FOXJ3: variants seen among roughly 807,000 people sequenced by gnomAD.
FOXJ3 encodes forkhead box protein J3.
A neutral mutation model predicts 76.1 loss-of-function variants in FOXJ3; 22 were observed. That is an observed-to-expected ratio of 0.29 (90% confidence interval 0.21 to 0.41). FOXJ3 has a LOEUF of 0.41. FOXJ3 is among the 10% of genes least tolerant of loss of function. The probability of loss-of-function intolerance (pLI) is 1.00; values close to 1 mark genes in which losing one functional copy is unlikely to be tolerated. For missense variants in FOXJ3, 613 were observed against 762.1 expected (o/e 0.80, Z 2.30); for synonymous variants, 269 against 261.2 (o/e 1.03, Z -0.29).
At chr1:42,184,445 T>C (rs1557616162) in intron 11 of FOXJ3, among the ~76,000 whole-genome samples, 3 of 152,158 alleles carry the variant, frequency 2.0e-5, no homozygotes, top group Non-Finnish European at 4.4e-5. Flanking sequence ...ACTTTTATTT[T>C]CATATAGAAA....
chr1:42,264,967 T>TAA, intron 4 of FOXJ3, 148 bp downstream of exon 4: 1 of 692,182 alleles, frequency 1.4e-6, no homozygotes, highest in Non-Finnish European at 2.6e-6. Flanking sequence ...TCCCACAGCT[T>TAA]AAAACTCTCT....
At chr1:42,284,663 T>G (rs1652937378) in intron 2 of FOXJ3, among the ~76,000 whole-genome samples, 1 of 152,186 alleles carries the variant, frequency 6.6e-6, no homozygotes, top group African/African-American at 2.4e-5. Context: ...CACACAAAGG[T>G]AATGTTAAGG....
At chr1:42,256,132 C>G (rs766436977) in intron 4 of FOXJ3, among the ~76,000 whole-genome samples, 12 of 152,192 alleles carry the variant, frequency 7.9e-5, no homozygotes, top group Non-Finnish European at 1.2e-4. Context: ...AATGCAACAT[C>G]TAAAATTATA....
chr1:42,205,692 C>T (rs1646847254), intron 6 of FOXJ3, 70 bp downstream of exon 6: 3 of 882,596 alleles, frequency 3.4e-6, no homozygotes, highest in Non-Finnish European at 5.6e-6. Flanking sequence ...AGGATTCTAT[C>T]ATTATTACAA....
chr1:42,186,826 A>G (rs965335996), intron 11 of FOXJ3, among the ~76,000 whole-genome samples: 1 of 152,188 alleles, frequency 6.6e-6, no homozygotes, highest in Non-Finnish European at 1.5e-5. Context: ...CCTAACATGT[A>G]CACTGGCTTT....
intron 4 of FOXJ3, among the ~76,000 whole-genome samples, chr1:42,255,286 T>G (rs1170247126): frequency 6.6e-6 from 1 of 151,944 alleles, no homozygotes; most frequent in African/African-American, 2.4e-5. Flanking sequence ...AAGTGGAGGG[T>G]AGTATAATAT....
rs1373512441 is a variant in FOXJ3, at chr1:42,181,919, G to A, written c.1751C>T (p.Ala584Val). Residue 584 changes from alanine (A) to valine (V), a missense_variant and splice_region_variant, in exon 12 of 13, where the codon GCA becomes GTA. Physicochemically the swap from Ala to Val is moderately conservative, Grantham distance 64 (BLOSUM62 0). Coordinates refer to ENST00000361346, the MANE Select transcript of FOXJ3 (RefSeq NM_014947.5). ...QALSTPGTTM[A>V]GHHRAMNQQH... The stretch of plus-strand genomic sequence containing the variant: ...CTCACTCTCTCTCTCTCTCTTACCT[G>A]CCATCGTTGTTCCTGGAGTGCTGAG... 6.3e-7 allele frequency: 1 copy of A among 1,587,494 alleles called. No individual in the cohort carries two copies. Among genetic ancestry groups the A allele is most frequent in the Non-Finnish European group, 8.6e-7 (1 of 1,157,438 alleles).
intron 5 of FOXJ3, among the ~76,000 whole-genome samples, chr1:42,215,964 C>G (rs1647055484): frequency 1.3e-5 from 2 of 151,508 alleles, no homozygotes; most frequent in South Asian, 4.2e-4. Flanking sequence ...CCAGCCTGGT[C>G]AACATAGTGA....
intron 4 of FOXJ3, among the ~76,000 whole-genome samples, chr1:42,237,023 T>C (rs1469318382): frequency 6.6e-6 from 1 of 152,112 alleles, no homozygotes; most frequent in Admixed American, 6.5e-5. Flanking sequence ...TTTCTGTTAT[T>C]AGACTTTTTA....
intron 12 of FOXJ3, among the ~76,000 whole-genome samples, chr1:42,180,387 T>C (rs919750089): frequency 6.6e-6 from 1 of 152,190 alleles, no homozygotes; most frequent in African/African-American, 2.4e-5. Context: ...GCTCTTCTTG[T>C]ACCAGTTTGG....
At chr1:42,305,771 A>T (rs1052493996) in intron 2 of FOXJ3, among the ~76,000 whole-genome samples, 1 of 152,204 alleles carries the variant, frequency 6.6e-6, no homozygotes, top group African/African-American at 2.4e-5. Context: ...AAAAAATAAA[A>T]GGAGTGACTA....
At chr1:42,281,667 G>A (rs1652723177) in intron 2 of FOXJ3, among the ~76,000 whole-genome samples, 1 of 152,200 alleles carries the variant, frequency 6.6e-6, no homozygotes, top group Admixed American at 6.5e-5. Context: ...TGTCCCCACT[G>A]TTGATACTTA....
At chr1:42,311,028 GA>G (rs200511460) in intron 2 of FOXJ3, 21 bp downstream of exon 2, 11,238 of 1,159,594 alleles carry the variant, frequency 9.7e-3, no homozygotes, top group South Asian at 0.011. Flanking sequence ...TTCTAATAAA[GA>G]AAAAAAAAAA....
chr1:42,302,245 T>C (rs1654196466), intron 2 of FOXJ3, among the ~76,000 whole-genome samples: 1 of 152,244 alleles, frequency 6.6e-6, no homozygotes, highest in Admixed American at 6.5e-5. Context: ...TTCTACTGTG[T>C]CATGCAATTA....
intron 4 of FOXJ3, among the ~76,000 whole-genome samples, chr1:42,260,154 G>A (rs1031059602): frequency 6.6e-6 from 1 of 151,898 alleles, no homozygotes; most frequent in African/African-American, 2.4e-5. Flanking sequence ...CTTCTTTAAG[G>A]TAATACCTAC....
chr1:42,326,017 T>C (rs147248430), intron 1 of FOXJ3, among the ~76,000 whole-genome samples: 1,733 of 152,266 alleles, frequency 0.011, 38 homozygotes, highest in African/African-American at 0.04. Context: ...TCCCAGCACT[T>C]TGGGAGGCGG....
intron 4 of FOXJ3, among the ~76,000 whole-genome samples, chr1:42,254,081 A>G (rs1328116766): frequency 2.0e-5 from 3 of 152,116 alleles, no homozygotes; most frequent in East Asian, 1.9e-4. Flanking sequence ...AAGGGCTAAT[A>G]TCCAGAATCT....
chr1:42,299,096 A>T (rs1427587270), intron 2 of FOXJ3, among the ~76,000 whole-genome samples: 1 of 152,244 alleles, frequency 6.6e-6, no homozygotes, highest in Non-Finnish European at 1.5e-5. Context: ...TTCCACGTGC[A>T]GATGAGATTA....
At chr1:42,275,419 A>C (rs968369998) in intron 3 of FOXJ3, among the ~76,000 whole-genome samples, 2 of 152,184 alleles carry the variant, frequency 1.3e-5, no homozygotes, top group Non-Finnish European at 2.9e-5. Context: ...GGGACGAAAG[A>C]AAGCAGTGGC....
Sources: gnomAD v4.1 joint callset for allele counts (sites outside exome capture counted in the v4.1 genomes callset) on GRCh38, gnomAD v4.1.1 for gene constraint, MANE v1.5 for transcripts, NCBI Gene and HGNC (gene_info 2026-07-23, HGNC 2026-07-21) for gene names.